RBKS: variants seen among roughly 807,000 people sequenced by gnomAD.
RBKS encodes the protein ribokinase.
A neutral mutation model predicts 33.9 loss-of-function variants in RBKS; 33 were observed. The ratio of observed to expected loss-of-function variants is 0.97; its 90% CI spans 0.74 to 1.30. RBKS has a LOEUF of 1.30. Ranked by LOEUF, RBKS falls within the 50% of genes most tolerant of loss-of-function variation. The pLI is 0.00. For missense variants in RBKS, 361 were observed against 392.6 expected, an observed-to-expected ratio of 0.92 and a Z score of 0.68; for synonymous variants, 125 against 143.0, an observed-to-expected ratio of 0.87 and a Z score of 0.90.
chr2:27,789,925 G>GTATATA (rs376783086), intron 7 of RBKS, among the ~76,000 whole-genome samples: 6 of 130,626 alleles, frequency 4.6e-5, no homozygotes, highest in African/African-American at 8.7e-5. Flanking sequence ...GTTTGTGTGT[G>GTATATA]TATATATATA....
In RBKS at chr2:27,890,152, C is replaced by T. The variant is rs1417582892; in HGVS notation, c.89+105G>A. On this transcript the variant is annotated intron_variant, in intron 1 of 7. Transcript: ENST00000302188. This position sits in a 1 kb window ranked among gnomAD's most constrained non-coding sequence, Gnocchi z 4.8. Reference sequence around the variant, plus strand: ...CTGCAGCTCATACCCAAAGCTAGCACTGTCTATCCCTGGAGACCCAGCGCC... The same window carrying T: ...CTGCAGCTCATACCCAAAGCTAGCATTGTCTATCCCTGGAGACCCAGCGCC... 3.0e-6 allele frequency: 3 copies of T among 1,012,860 alleles called. No homozygotes were observed. Among genetic ancestry groups the T allele is most frequent in the Non-Finnish European group, 4.5e-6 (3 of 674,070 alleles). 62.7% of individuals were successfully genotyped at this position (1,012,860 alleles called of 1,614,324 possible). A position where few individuals can be genotyped will look rare whatever the true frequency, so the allele number is the denominator to read the frequency against.
chr2:27,862,809 G>A (rs1558553576), intron 1 of RBKS, among the ~76,000 whole-genome samples: 1 of 152,158 alleles, frequency 6.6e-6, no homozygotes, highest in Non-Finnish European at 1.5e-5. Context: ...AAACTGAAGA[G>A]TGGAGAGAGC....
chr2:27,809,640 A>T, intron 7 of RBKS: 1 of 257,552 alleles, frequency 3.9e-6, no homozygotes, highest in Non-Finnish European at 7.7e-6. Flanking sequence ...GACAGAAAAC[A>T]GTTAATCCAA....
At chr2:27,838,363 T>C (rs967347722) in intron 5 of RBKS, among the ~76,000 whole-genome samples, 7 of 152,220 alleles carry the variant, frequency 4.6e-5, no homozygotes, top group African/African-American at 1.7e-4. Context: ...TGTATGTCTA[T>C]ATATATTTGA....
intron 7 of RBKS, among the ~76,000 whole-genome samples, chr2:27,811,269 T>A (rs534385970): frequency 6.6e-5 from 10 of 152,336 alleles, no homozygotes; most frequent in Non-Finnish European, 1.2e-4. Flanking sequence ...GTATGGACTA[T>A]GCACTCTTCT....
chr2:27,847,133 A>C, intron 3 of RBKS, 29 bp from the exon 4 acceptor site: 1 of 1,285,458 alleles, frequency 7.8e-7, no homozygotes, highest in Non-Finnish European at 1.1e-6. Context: ...TTACAATCAC[A>C]TGTATACAGG....
At chr2:27,886,169 A>T (rs1444694128) in intron 1 of RBKS, among the ~76,000 whole-genome samples, 2 of 152,246 alleles carry the variant, frequency 1.3e-5, no homozygotes, top group Non-Finnish European at 2.9e-5. Context: ...AATGATTTTT[A>T]AAAATTATTA....
At chr2:27,883,229 T>G (rs1257452380) in intron 1 of RBKS, among the ~76,000 whole-genome samples, 1 of 150,044 alleles carries the variant, frequency 6.7e-6, no homozygotes, top group East Asian at 2.0e-4. Context: ...AGACGGAGTC[T>G]CGCTCTGTCA....
chr2:27,788,647 C>T (rs570088854), intron 7 of RBKS, among the ~76,000 whole-genome samples: 1 of 152,290 alleles, frequency 6.6e-6, no homozygotes, highest in South Asian at 2.1e-4. Context: ...GTGAAGCTTG[C>T]AGTGAGCCAA....
At chr2:27,887,943 C>G (rs763373203) in intron 1 of RBKS, among the ~76,000 whole-genome samples, 1 of 152,032 alleles carries the variant, frequency 6.6e-6, no homozygotes, top group Non-Finnish European at 1.5e-5. Context: ...CTTTAAAACC[C>G]TGACGGATGC....
At chr2:27,888,345 C>T (rs547047810) in intron 1 of RBKS, among the ~76,000 whole-genome samples, 2 of 152,242 alleles carry the variant, frequency 1.3e-5, no homozygotes, top group Admixed American at 1.3e-4. Context: ...CTGGGCTGGT[C>T]TGAAACTCCT....
chr2:27,809,169 G>C (rs1250483233), intron 7 of RBKS, among the ~76,000 whole-genome samples: 1 of 152,248 alleles, frequency 6.6e-6, no homozygotes, highest in Non-Finnish European at 1.5e-5. Flanking sequence ...TGTTTGGCCA[G>C]CCTGAGGAAC....
intron 5 of RBKS, among the ~76,000 whole-genome samples, chr2:27,836,052 A>G (rs1678513458): frequency 1.3e-5 from 2 of 152,052 alleles, no homozygotes; most frequent in Admixed American, 6.5e-5. Context: ...CGTCTCTACT[A>G]AAAATACAAA....
At chr2:27,828,165 A>C (rs1449882514) in intron 6 of RBKS, among the ~76,000 whole-genome samples, 1 of 152,230 alleles carries the variant, frequency 6.6e-6, no homozygotes, top group South Asian at 2.1e-4. Flanking sequence ...AACTAAATAC[A>C]TACAGGGAAG....
intron 7 of RBKS, among the ~76,000 whole-genome samples, chr2:27,803,792 A>T (rs1477793680): frequency 1.3e-5 from 2 of 152,148 alleles, no homozygotes; most frequent in Non-Finnish European, 2.9e-5. Context: ...CACGCCTGTA[A>T]TCCCAGCACT....
rs369002158 is a variant in RBKS at position 27,890,227 on chromosome 2, C to G, written c.89+30G>C. ...GCACGGCACGCCTCCTCCCCCGAGCCGCAGACTGAGTAACTGGCCCCGGAC... is the reference window on the plus strand; with the variant it reads ...GCACGGCACGCCTCCTCCCCCGAGCGGCAGACTGAGTAACTGGCCCCGGAC... On this transcript the variant is annotated intron_variant, in intron 1 of 7. Coordinates refer to ENST00000302188, the MANE Select transcript of RBKS (RefSeq NM_022128.3). The surrounding 1 kb of genome is among the most constrained non-coding windows in gnomAD (Gnocchi z 4.8). 4.5e-5 allele frequency: 72 copies of G among 1,607,190 alleles called. No homozygotes were observed. The highest frequency in any genetic ancestry group is 1.9e-4 in the South Asian group (17 of 90,830).
At chr2:27,883,394 T>G (rs1196559495) in intron 1 of RBKS, among the ~76,000 whole-genome samples, 1 of 151,844 alleles carries the variant, frequency 6.6e-6, no homozygotes, top group Non-Finnish European at 1.5e-5. Context: ...AGAGATGGGG[T>G]TTCACCGTAT....
At chr2:27,812,457 C>T (rs1230146260) in intron 7 of RBKS, among the ~76,000 whole-genome samples, 1 of 152,176 alleles carries the variant, frequency 6.6e-6, no homozygotes, top group Non-Finnish European at 1.5e-5. Flanking sequence ...TTGGAACCAA[C>T]CCAAATGTCC....
At chr2:27,863,060 TAAAAA>T (rs1664021185) in intron 1 of RBKS, among the ~76,000 whole-genome samples, 1 of 151,534 alleles carries the variant, frequency 6.6e-6, no homozygotes, top group African/African-American at 2.4e-5. Context: ...TTGCTCAAAT[TAAAAA>T]GAAAAGGAAA....
Sources: gnomAD v4.1 joint callset for allele counts (sites outside exome capture counted in the v4.1 genomes callset) on GRCh38, gnomAD v4.1.1 for gene constraint, Gnocchi (gnomAD v3.1) non-coding constraint, MANE v1.5 for transcripts, NCBI Gene and HGNC (gene_info 2026-07-23, HGNC 2026-07-21) for gene names.